The following MTUS2 variants were observed in gnomAD, a reference collection of about 807,000 sequenced individuals.
MTUS2 encodes the protein microtubule-associated tumor suppressor candidate 2.
A neutral mutation model predicts 114.1 loss-of-function variants in MTUS2; 40 were observed. The ratio of observed to expected loss-of-function variants is 0.35; its 90% confidence interval spans 0.27 to 0.46. The LOEUF (loss-of-function observed/expected upper bound fraction) is 0.46, where lower values mean the gene tolerates loss of function less well. Ranked by LOEUF, MTUS2 falls within the 20% of genes least tolerant of loss-of-function variation. The probability of loss-of-function intolerance (pLI) is 1.00; values close to 1 mark genes in which losing one functional copy is unlikely to be tolerated. For synonymous variants in MTUS2, 688 were observed against 672.0 expected (o/e 1.02, Z -0.37); for missense variants, 1,679 against 1,705.4 (o/e 0.98, Z 0.27).
intron 1 of MTUS2, among the ~76,000 whole-genome samples, chr13:28,839,287 TG>T (rs1875312314): frequency 6.6e-6 from 1 of 152,226 alleles, no homozygotes. Flanking sequence ...ATAGCTACTC[TG>T]GTTTTTTATT....
intron 2 of MTUS2, among the ~76,000 whole-genome samples, chr13:28,982,341 T>A (rs888080760): frequency 2.7e-4 from 36 of 131,134 alleles, no homozygotes; most frequent in African/African-American, 1.2e-3. Context: ...AGGATGGTTA[T>A]TATTTAAAAA....
intron 8 of MTUS2, among the ~76,000 whole-genome samples, chr13:29,371,164 T>C (rs1023440291): frequency 6.6e-6 from 1 of 152,158 alleles, no homozygotes; most frequent in Non-Finnish European, 1.5e-5. Flanking sequence ...TGAGCACTGA[T>C]ATGCTTTTTA....
chr13:29,263,308 G>T (rs982992618), intron 5 of MTUS2, among the ~76,000 whole-genome samples: 3 of 152,120 alleles, frequency 2.0e-5, no homozygotes, highest in Non-Finnish European at 4.4e-5. Context: ...AGGGCATTAG[G>T]TATAGACAAG....
intron 5 of MTUS2, among the ~76,000 whole-genome samples, chr13:29,224,972 G>A (rs1010413713): frequency 9.2e-5 from 14 of 152,182 alleles, no homozygotes; most frequent in East Asian, 3.8e-4. Flanking sequence ...GAGGGGCTGC[G>A]GTGGTTCCTG....
intron 2 of MTUS2, among the ~76,000 whole-genome samples, chr13:28,862,942 G>A (rs1877082808): frequency 6.6e-6 from 1 of 152,122 alleles, no homozygotes; most frequent in South Asian, 2.1e-4. Context: ...TTTCCCAAAT[G>A]TGCAAAATTT....
intron 6 of MTUS2, among the ~76,000 whole-genome samples, chr13:29,308,897 CA>C (rs1409802602): frequency 1.6e-5 from 2 of 126,120 alleles, no homozygotes; most frequent in African/African-American, 6.0e-5. Context: ...AAAAACAAAA[CA>C]AAACAGGTGC....
chr13:29,283,316 TG>T (rs1898350463), intron 6 of MTUS2, among the ~76,000 whole-genome samples: 1 of 152,192 alleles, frequency 6.6e-6, no homozygotes, highest in South Asian at 2.1e-4. Context: ...GGTAAGCTTC[TG>T]GGGGTGGTGA....
intron 4 of MTUS2, among the ~76,000 whole-genome samples, chr13:29,097,598 A>G (rs1890232454): frequency 6.6e-6 from 1 of 152,218 alleles, no homozygotes; most frequent in South Asian, 2.1e-4. Context: ...AAAGTACCAT[A>G]GACAGTGTAG....
intron 8 of MTUS2, among the ~76,000 whole-genome samples, chr13:29,360,505 TGGTATTAAATGACAAGATGA>T (rs1197816224): frequency 6.6e-6 from 1 of 152,210 alleles, no homozygotes; most frequent in Admixed American, 6.5e-5. Flanking sequence ...CAATCTGTTG[TGGTATTAAATGACAAGATGA>T]GTAGACAGCC....
intron 6 of MTUS2, among the ~76,000 whole-genome samples, chr13:29,320,002 C>G (rs117257093): frequency 6.6e-6 from 1 of 152,208 alleles, no homozygotes; most frequent in African/African-American, 2.4e-5. Flanking sequence ...ACGCTGAATA[C>G]TGGCCCCTGA....
chr13:29,008,478 T>C (rs1885697535), intron 2 of MTUS2, among the ~76,000 whole-genome samples: 1 of 152,254 alleles, frequency 6.6e-6, no homozygotes, highest in Admixed American at 6.5e-5. Context: ...TTTTGGTTCA[T>C]CTGTCCTGGC....
intron 7 of MTUS2, among the ~76,000 whole-genome samples, chr13:29,349,720 G>C (rs2138173077): frequency 6.6e-6 from 1 of 152,024 alleles, no homozygotes; most frequent in South Asian, 2.1e-4. Context: ...GTTTCTAGTG[G>C]AAAATCTGCT....
chr13:29,188,098 G>A (rs146649087), intron 5 of MTUS2, among the ~76,000 whole-genome samples: 1 of 152,292 alleles, frequency 6.6e-6, no homozygotes, highest in East Asian at 1.9e-4. Context: ...TGGTAGGGCT[G>A]TTAGGGATCA....
chr13:28,930,187 C>T (rs993383238), intron 2 of MTUS2, among the ~76,000 whole-genome samples: 1 of 152,206 alleles, frequency 6.6e-6, no homozygotes, highest in Non-Finnish European at 1.5e-5. Context: ...TAGGTATGCT[C>T]ATAATCAAAA....
chr13:29,118,534 T>G (rs1428127047), intron 5 of MTUS2, among the ~76,000 whole-genome samples: 1 of 152,222 alleles, frequency 6.6e-6, no homozygotes, highest in African/African-American at 2.4e-5. Context: ...AACTAGACTC[T>G]CACAGTTTCC....
At chr13:28,872,130 G>A (rs771257880) in intron 2 of MTUS2, among the ~76,000 whole-genome samples, 10 of 152,180 alleles carry the variant, frequency 6.6e-5, no homozygotes, top group Non-Finnish European at 1.5e-4. Context: ...ACTGTAAGGA[G>A]CCCAGCTGGG....
At chr13:29,316,592 T>A (rs1036309940) in intron 6 of MTUS2, among the ~76,000 whole-genome samples, 1 of 152,186 alleles carries the variant, frequency 6.6e-6, no homozygotes, top group Non-Finnish European at 1.5e-5. Flanking sequence ...TGTGCTTCTA[T>A]GGGCAGGTGA....
chr13:29,138,925 T>C (rs1892099450), intron 5 of MTUS2, among the ~76,000 whole-genome samples: 1 of 152,158 alleles, frequency 6.6e-6, no homozygotes, highest in Admixed American at 6.5e-5. Context: ...TTTTAATTTT[T>C]TAAGACAAAG....
chr13:28,953,467 C>A (rs968172279), intron 2 of MTUS2, among the ~76,000 whole-genome samples: 2 of 152,150 alleles, frequency 1.3e-5, no homozygotes, highest in Non-Finnish European at 2.9e-5. Context: ...CGAGACCAGG[C>A]CATTGCACTC....
Sources: allele counts gnomAD v4.1 joint callset (sites outside exome capture counted in the v4.1 genomes callset), GRCh38; gene constraint gnomAD v4.1.1; transcripts MANE v1.5; gene names NCBI Gene and HGNC (gene_info 2026-07-23, HGNC 2026-07-21).